The following ITGA10 variants were observed in gnomAD, a reference collection of about 807,000 sequenced individuals.
The protein encoded by ITGA10 is integrin subunit alpha 10, also known as integrin alpha-10.
ITGA10 carries 105 observed loss-of-function variants against 145.2 expected under a neutral mutation model. The observed-to-expected ratio is 0.72, with a 90% confidence interval of 0.62 to 0.85. The LOEUF is 0.85. Ranked by LOEUF, ITGA10 falls within the 40% of genes least tolerant of loss-of-function variation. The pLI is 0.00. For synonymous variants in ITGA10, 506 were observed against 557.8 expected, an observed-to-expected ratio of 0.91 and a Z score of 1.31; for missense variants, 1,317 against 1,444.5, an observed-to-expected ratio of 0.91 and a Z score of 1.43.
intron 18 of ITGA10, 82 bp from the exon 19 acceptor site, chr1:145,897,982 A>G: frequency 1.5e-6 from 2 of 1,356,882 alleles, no homozygotes; most frequent in South Asian, 2.3e-5. Context: ...AAAAGACAAA[A>G]GTGGGTATAT....
At chr1:145,895,459 CTAG>C in intron 26 of ITGA10, 66 bp from the exon 27 acceptor site, 1 of 1,419,724 alleles carries the variant, frequency 7.0e-7, no homozygotes. Context: ...TTCCCCACCT[CTAG>C]TTCACACAGT....
In ITGA10 at chr1:145,897,802, A is replaced by G. The variant is rs782218007; in HGVS notation, c.2432+13T>C. 479 of 1,613,356 alleles carry G rather than the reference A, an allele frequency of 3.0e-4. No homozygotes were observed. Among genetic ancestry groups the G allele is most frequent in the Non-Finnish European group, 3.9e-4 (464 of 1,179,448 alleles). Reference sequence around the variant, plus strand: ...CAGGTCACCCTGGTTTGCCTAGTACATGTCCATCCAACCTGGAGCCTCTGA... The same window carrying G: ...CAGGTCACCCTGGTTTGCCTAGTACGTGTCCATCCAACCTGGAGCCTCTGA... On this transcript the variant is annotated intron_variant, in intron 19 of 29. Coordinates refer to ENST00000369304, the MANE Select transcript of ITGA10 (RefSeq NM_003637.5).
intron 7 of ITGA10, among the ~76,000 whole-genome samples, 163 bp from the exon 8 acceptor site, chr1:145,903,124 T>C (rs1378629700): frequency 4.0e-5 from 6 of 151,812 alleles, no homozygotes; most frequent in African/African-American, 1.5e-4. Flanking sequence ...GGCCATTTCC[T>C]GAGTATTTAA....
chr1:145,901,129 T>A lies in ITGA10; in HGVS notation c.1587+6A>T. On this transcript the variant is annotated splice_donor_region_variant and intron_variant, in intron 13 of 29. Coordinates refer to ENST00000369304, the MANE Select transcript of ITGA10 (RefSeq NM_003637.5). This position sits in a 1 kb window ranked among gnomAD's most constrained non-coding sequence, Gnocchi z 4.3. ...GTCCAGGGCAGGGGGTCCCAGCAAG[T>A]CTCACCTGGCCTACCAGATACACAT... 1 of 1,613,712 alleles carries A rather than the reference T, an allele frequency of 6.2e-7. No individual in the cohort carries two copies. The highest frequency in any genetic ancestry group is 1.3e-5 in the African/African-American group (1 of 74,900).
At chr1:145,892,959 T>A in intron 29 of ITGA10, 96 bp from the exon 30 acceptor site, 1 of 1,057,252 alleles carries the variant, frequency 9.5e-7, no homozygotes, top group Non-Finnish European at 1.4e-6. Context: ...TTTTGTTCTG[T>A]TTCCAAAAAT....
intron 5 of ITGA10, among the ~76,000 whole-genome samples, chr1:145,905,112 T>G (rs1553750652): frequency 6.6e-6 from 1 of 151,964 alleles, no homozygotes. Context: ...TATACAATGT[T>G]CTAAAAAACA....
chr1:145,892,803 G>A lies in ITGA10; in HGVS notation c.3499C>T (p.Gln1167Ter), dbSNP rs142018351. Residue 1167 changes from glutamine (Q) to a stop codon, truncating the protein, a stop_gained, in exon 30 of 30, where the codon CAA (glutamine) becomes TAA (stop). Coordinates refer to ENST00000369304, the MANE Select transcript of ITGA10 (RefSeq NM_003637.5). LOFTEE classifies it high-confidence loss of function. ...EEEKREEKLE[Q>*] ...TCTAGACCCTTATTCTACATTCATT[G>A]CTCCAACTTCTCTTCTCTTTTTTCT... 7.2e-4 allele frequency: 1,161 copies of A among 1,611,520 alleles called. 6 individuals are homozygous for A. Among genetic ancestry groups the A allele is most frequent in the Middle Eastern group, 4.6e-3 (28 of 6,054 alleles).
chr1:145,898,529 C>T (rs1031914103), intron 17 of ITGA10, among the ~76,000 whole-genome samples: 5 of 151,946 alleles, frequency 3.3e-5, no homozygotes, highest in East Asian at 1.9e-4. Context: ...CCACCACGCC[C>T]GGCTAATTTT....
rs147736147 is a variant in ITGA10 at position 145,908,358 on chromosome 1, C to T, written c.53-893G>A. On this transcript the variant is annotated intron_variant, in intron 1 of 29. Coordinates refer to ENST00000369304, the MANE Select transcript of ITGA10 (RefSeq NM_003637.5). Reference sequence around the variant, plus strand: ...TGGTAATTAACTGGGTGGGGCCACTCGCCTGCCCACACACATAGTTTGCCA... The same window carrying T: ...TGGTAATTAACTGGGTGGGGCCACTTGCCTGCCCACACACATAGTTTGCCA... Among the ~76,000 whole-genome samples, 42 of 152,226 alleles carry T rather than the reference C, an allele frequency of 2.8e-4. 2 individuals are homozygous for T. The highest frequency in any genetic ancestry group is 1.0e-3 in the Admixed American group (16 of 15,280).
At chr1:145,906,990 T>C in intron 3 of ITGA10, 51 bp downstream of exon 3, 1 of 1,356,440 alleles carries the variant, frequency 7.4e-7, no homozygotes, top group Non-Finnish European at 1.0e-6. Context: ...TTGAAGCTTC[T>C]AGAGTATCAA....
Position 145,892,658 on chromosome 1 carries a change from C to G in ITGA10, c.*140G>C, listed in dbSNP as rs587699599. On this transcript the variant is annotated 3_prime_UTR_variant, in exon 30 of 30. Coordinates refer to ENST00000369304, the MANE Select transcript of ITGA10 (RefSeq NM_003637.5). ...TCTAGCCAGCAGCATCCCTAGGACTCAAAAGTCAAGTCAGGCTGCTGGTCT... is the reference window on the plus strand; with the variant it reads ...TCTAGCCAGCAGCATCCCTAGGACTGAAAAGTCAAGTCAGGCTGCTGGTCT... 3.0e-6 allele frequency: 2 copies of G among 657,900 alleles called. No homozygotes were observed. The highest frequency in any genetic ancestry group is 3.6e-5 in the African/African-American group (2 of 55,198). The allele number at this position is 657,900 out of a possible 1,614,324, so 40.8% of individuals were successfully genotyped here. A position where few individuals can be genotyped will look rare whatever the true frequency, so the allele number is the denominator to read the frequency against.
chr1:145,906,410 C>A lies in ITGA10; in HGVS notation c.465G>T (p.Leu155=), dbSNP rs1657145840. Residue 155 remains leucine (L), a synonymous_variant, in exon 5 of 30, where the codon CTG becomes CTT. Transcript: ENST00000369304. ...VDASFQPQGS[L]APTAQRCPTY... is the part of the protein sequence containing the mutation. ...CTGGCTCACGTTGGGCAGTGGGTGCCAGGCTTCCCTGAGGCTGGAATGAAG... is the reference window on the plus strand; with the variant it reads ...CTGGCTCACGTTGGGCAGTGGGTGCAAGGCTTCCCTGAGGCTGGAATGAAG... 2 of 1,613,804 alleles carry A rather than the reference C, an allele frequency of 1.2e-6. No individual in the cohort carries two copies. The highest frequency in any genetic ancestry group is 2.2e-5 in the South Asian group (2 of 91,078).
chr1:145,907,841 C>T (rs1553751926), intron 1 of ITGA10, among the ~76,000 whole-genome samples: 1 of 133,146 alleles, frequency 7.5e-6, no homozygotes, highest in African/African-American at 3.0e-5. Flanking sequence ...GTGATCTCGG[C>T]TTACTGCAGG....
At chr1:145,895,845 G>A (rs1655316490) in intron 25 of ITGA10, 134 bp from the exon 26 acceptor site, 2 of 1,017,956 alleles carry the variant, frequency 2.0e-6, no homozygotes, top group Non-Finnish European at 3.0e-6. Context: ...TAAGCCACAT[G>A]TGTAAAAAGA....
In ITGA10 at chr1:145,893,525, G is replaced by A. The variant is rs191968356; in HGVS notation, c.3324+15C>T. ...CATTATTTTCACAGCTCTCAGACTC[G>A]GTCTCCAGCCCTACCTCACTCCAAC... On this transcript the variant is annotated intron_variant, in intron 28 of 29. Coordinates refer to ENST00000369304, the MANE Select transcript of ITGA10 (RefSeq NM_003637.5). The A allele has an allele frequency of 1.2e-5, 19 of 1,591,938 alleles. No homozygotes were observed. The highest frequency in any genetic ancestry group is 4.0e-5 in the African/African-American group (3 of 74,274).
At chr1:145,896,926 G>T in intron 22 of ITGA10, 68 bp from the exon 23 acceptor site, 1 of 1,541,262 alleles carries the variant, frequency 6.5e-7, no homozygotes, top group Non-Finnish European at 9.0e-7. Flanking sequence ...TCTGTTAATA[G>T]AGGAATCAAT....
chr1:145,900,751 C>A lies in ITGA10; in HGVS notation c.1791+39G>T, dbSNP rs587631018. On this transcript the variant is annotated intron_variant, in intron 14 of 29. Coordinates refer to ENST00000369304, the MANE Select transcript of ITGA10 (RefSeq NM_003637.5). ...CAAAGAGCATCCCCCTATTCCTCTT[C>A]CTACAACCGTGCCCCTGCTTTATTT... is the stretch of plus-strand genomic sequence containing the variant. 1.0e-5 allele frequency: 16 copies of A among 1,600,836 alleles called. No individual in the cohort carries two copies. In the South Asian group the frequency reaches 1.8e-4, roughly 18 times the overall value.
chr1:145,896,542 C>A (rs907547798), intron 23 of ITGA10, among the ~76,000 whole-genome samples, 190 bp from the exon 24 acceptor site: 60 of 152,132 alleles, frequency 3.9e-4, no homozygotes, highest in Non-Finnish European at 8.1e-4. Context: ...CATCCCATAT[C>A]CCCTCATCCC....
Position 145,899,302 on chromosome 1 carries a change from C to G in ITGA10, c.1962G>C (p.Val654=). 2 of 1,614,170 alleles carry G rather than the reference C, an allele frequency of 1.2e-6. No individual in the cohort carries two copies. ...GAACCACACTGATGGCCTGTGGGGT[C>G]ACCTCCAGTGATGGGGTCAGATGGA... The part of the protein sequence containing the change: ...PIVHLTPSLE[V]TPQAISVVQR... The change falls in exon 16 of 30, where the codon GTG becomes GTC. Residue 654 remains valine (V), a synonymous_variant. Transcript: ENST00000369304.
Sources: gnomAD v4.1 joint callset for allele counts (sites outside exome capture counted in the v4.1 genomes callset) on GRCh38, gnomAD v4.1.1 for gene constraint, Gnocchi (gnomAD v3.1) non-coding constraint, MANE v1.5 for transcripts, NCBI Gene and HGNC (gene_info 2026-07-23, HGNC 2026-07-21) for gene names.